The following HCRTR2 variants were observed in gnomAD, a reference collection of about 807,000 sequenced individuals.
HCRTR2 encodes hypocretin receptor 2, also known as orexin receptor type 2.
Under a neutral mutation model 49.0 loss-of-function variants are expected in HCRTR2, and 22 were observed. The observed-to-expected ratio is 0.45, with a 90% CI of 0.32 to 0.64. The LOEUF (loss-of-function observed/expected upper bound fraction) is 0.64, where lower values mean the gene tolerates loss of function less well. Among genes scored for constraint, HCRTR2 ranks in the 30% least tolerant of loss-of-function variants. HCRTR2 has a pLI of 0.04. For missense variants in HCRTR2, 491 were observed against 559.4 expected, an observed-to-expected ratio of 0.88 and a Z score of 1.23; for synonymous variants, 236 against 205.3, an observed-to-expected ratio of 1.15 and a Z score of -1.28.
chr6:55,280,135 G>C (rs1767160335), intron 5 of HCRTR2, among the ~76,000 whole-genome samples, 188 bp from the exon 6 acceptor site: 1 of 152,066 alleles, frequency 6.6e-6, no homozygotes, highest in African/African-American at 2.4e-5. Flanking sequence ...TTGATTTATT[G>C]ATTGTGCTGT....
chr6:55,211,467 A>G (rs1293522353), intron 1 of HCRTR2, among the ~76,000 whole-genome samples: 2 of 152,162 alleles, frequency 1.3e-5, no homozygotes, highest in Non-Finnish European at 2.9e-5. Flanking sequence ...TATAGATGAG[A>G]GAATATAGAC....
At chr6:55,248,967 G>T in intron 2 of HCRTR2, 150 bp downstream of exon 2, 1 of 708,350 alleles carries the variant, frequency 1.4e-6, no homozygotes. Flanking sequence ...AATTTCTGGA[G>T]AAATAAGTTA....
chr6:55,282,297 G>T lies in HCRTR2; in HGVS notation c.1178G>T (p.Arg393Leu). Residue 393 changes from arginine to leucine, a missense_variant, in exon 7 of 7, where the codon CGG (arginine) becomes CTG (leucine). Coordinates refer to ENST00000370862, the MANE Select transcript of HCRTR2 (RefSeq NM_001384272.1). Reference protein sequence around the residue: ...CLGVHHRQEDRLTRGRTSTES... With the variant: ...CLGVHHRQEDLLTRGRTSTES... Reference sequence around the variant, plus strand: ...GGAGTTCACCATCGCCAGGAGGATCGGCTCACCAGGGGACGAACTAGCACA... The same window carrying T: ...GGAGTTCACCATCGCCAGGAGGATCTGCTCACCAGGGGACGAACTAGCACA... The T allele has an allele frequency of 6.2e-7, 1 of 1,613,794 alleles. No individual in the cohort carries two copies.
At chr6:55,173,939 T>A (rs1239048868), upstream of HCRTR2, among the ~76,000 whole-genome samples, 2 of 152,188 alleles carry the variant, frequency 1.3e-5, no homozygotes, top group African/African-American at 2.4e-5. Flanking sequence ...CTGGAATGAC[T>A]TTTCCATTGT....
chr6:55,119,158 G>A (rs1348831043), intron 1 of HCRTR2, among the ~76,000 whole-genome samples: 1 of 152,054 alleles, frequency 6.6e-6, no homozygotes, highest in East Asian at 1.9e-4. Context: ...TGGTGTATAT[G>A]TGCCATGTTT....
chr6:55,179,139 A>G (rs950252679), intron 1 of HCRTR2, among the ~76,000 whole-genome samples: 8 of 152,296 alleles, frequency 5.3e-5, no homozygotes, highest in African/African-American at 1.9e-4. Flanking sequence ...TGTAAGTGGT[A>G]GAATTGCAAG....
chr6:55,157,296 T>A (rs1764744113), intron 1 of HCRTR2, among the ~76,000 whole-genome samples: 1 of 152,116 alleles, frequency 6.6e-6, no homozygotes, highest in South Asian at 2.1e-4. Flanking sequence ...AGCATGAAAA[T>A]CTTAGGAAGG....
At chr6:55,196,075 T>A (rs1765404274) in intron 1 of HCRTR2, among the ~76,000 whole-genome samples, 1 of 152,246 alleles carries the variant, frequency 6.6e-6, no homozygotes, top group South Asian at 2.1e-4. Context: ...TTTAAATTTT[T>A]CCTATAGCAT....
chr6:55,203,628 G>T (rs12663056), intron 1 of HCRTR2, among the ~76,000 whole-genome samples: 2 of 151,914 alleles, frequency 1.3e-5, no homozygotes, highest in African/African-American at 2.4e-5. Flanking sequence ...ACAAGTGGAT[G>T]GTCACCTTCT....
At chr6:55,192,508 G>A (rs1295520955) in intron 1 of HCRTR2, among the ~76,000 whole-genome samples, 2 of 152,028 alleles carry the variant, frequency 1.3e-5, no homozygotes. Flanking sequence ...AAAATCACCT[G>A]AGCCCAGGAA....
At chr6:55,270,685 T>A (rs1766955846) in intron 4 of HCRTR2, among the ~76,000 whole-genome samples, 1 of 152,188 alleles carries the variant, frequency 6.6e-6, no homozygotes, top group Non-Finnish European at 1.5e-5. Flanking sequence ...TAAAGACTAT[T>A]TGTATTGGGT....
At chr6:55,163,439 T>C (rs963927370) in intron 1 of HCRTR2, among the ~76,000 whole-genome samples, 4 of 151,976 alleles carry the variant, frequency 2.6e-5, no homozygotes, top group African/African-American at 7.3e-5. Flanking sequence ...TATAGACCAA[T>C]GGAACAGAAC....
intron 1 of HCRTR2, among the ~76,000 whole-genome samples, chr6:55,150,435 A>T (rs1202822902): frequency 6.6e-6 from 1 of 151,848 alleles, no homozygotes; most frequent in African/African-American, 2.4e-5. Flanking sequence ...ATACAGAAGA[A>T]CCCTGGAACC....
intron 1 of HCRTR2, among the ~76,000 whole-genome samples, chr6:55,118,266 G>A (rs935861642): frequency 1.3e-5 from 2 of 151,908 alleles, no homozygotes; most frequent in African/African-American, 4.8e-5. Context: ...ATTTCATGGT[G>A]TATATGCACC....
At chr6:55,188,493 A>G (rs1428137435) in intron 1 of HCRTR2, among the ~76,000 whole-genome samples, 1 of 152,246 alleles carries the variant, frequency 6.6e-6, no homozygotes, top group Non-Finnish European at 1.5e-5. Flanking sequence ...CAAAAGCATC[A>G]TAGAGCACCA....
chr6:55,165,153 G>A (rs1043730379), intron 1 of HCRTR2, among the ~76,000 whole-genome samples: 1 of 151,902 alleles, frequency 6.6e-6, no homozygotes, highest in East Asian at 1.9e-4. Flanking sequence ...AAACAATGAA[G>A]CATACCTACA....
chr6:55,281,920 A>G (rs1767198305), intron 6 of HCRTR2, among the ~76,000 whole-genome samples: 1 of 152,254 alleles, frequency 6.6e-6, no homozygotes, highest in African/African-American at 2.4e-5. Context: ...CACTTCCATT[A>G]TAGTTATGTA....
At chr6:55,141,940 C>T (rs911372198) in intron 1 of HCRTR2, among the ~76,000 whole-genome samples, 1 of 151,962 alleles carries the variant, frequency 6.6e-6, no homozygotes, top group South Asian at 2.1e-4. Flanking sequence ...AGATGTCAAA[C>T]ACCAAGAAAT....
intron 1 of HCRTR2, among the ~76,000 whole-genome samples, chr6:55,126,653 G>T (rs950615549): frequency 1.3e-5 from 2 of 152,160 alleles, no homozygotes; most frequent in African/African-American, 4.8e-5. Flanking sequence ...CTTCAGAGCG[G>T]TCAGGCAGGG....
Sources: allele counts gnomAD v4.1 joint callset (sites outside exome capture counted in the v4.1 genomes callset), GRCh38; gene constraint gnomAD v4.1.1; transcripts MANE v1.5; gene names NCBI Gene and HGNC (gene_info 2026-07-23, HGNC 2026-07-21).